Variants in VPS13B observed in about 807,000 individuals in gnomAD.
VPS13B encodes the protein intermembrane lipid transfer protein VPS13B.
In VPS13B, 285 loss-of-function variants were observed where a neutral mutation model predicts 426.4. The observed-to-expected ratio is 0.67, with a 90% CI of 0.61 to 0.74. The LOEUF (loss-of-function observed/expected upper bound fraction) is 0.74. Among genes scored for constraint, VPS13B ranks in the 30% least tolerant of loss-of-function variants. The pLI, the probability that VPS13B is intolerant of heterozygous loss-of-function variation, is 0.00. For missense variants in VPS13B, 4,537 were observed against 4,782.6 expected (o/e 0.95, Z 1.51); for synonymous variants, 1,676 against 1,676.4 (o/e 1.00, Z 0.01).
At chr8:99,564,500 G>A (rs539293812) in intron 31 of VPS13B, among the ~76,000 whole-genome samples, 6 of 152,266 alleles carry the variant, frequency 3.9e-5, no homozygotes, top group East Asian at 3.9e-4. Context: ...GGGTAAGGCC[G>A]GGAGGCTGGA....
intron 43 of VPS13B, among the ~76,000 whole-genome samples, chr8:99,803,471 A>G (rs1813235760): frequency 1.3e-5 from 2 of 152,286 alleles, no homozygotes; most frequent in African/African-American, 2.4e-5. Flanking sequence ...TCTTTTTCCT[A>G]CCAAAACAAA....
chr8:99,283,319 A>T (rs1819264717), intron 19 of VPS13B, among the ~76,000 whole-genome samples: 1 of 152,156 alleles, frequency 6.6e-6, no homozygotes, highest in South Asian at 2.1e-4. Flanking sequence ...ATCTTATTAC[A>T]TTTCCTCTTT....
Position 99,577,925 on chromosome 8 carries a change from C to G in VPS13B, c.5220+292C>G, listed in dbSNP as rs141208784. On this transcript the variant is annotated intron_variant, in intron 33 of 61. Transcript: ENST00000357162. ...CCTGCTGAAGTTCTAAAGTATGATG[C>G]GAGAATCCTGGTATAGCTTTCATTT... The G allele has an allele frequency of 1.1e-3, 456 of 399,006 alleles. 6 individuals are homozygous for G. The East Asian group carries it at 0.019, about 17-fold the overall frequency. 24.7% of individuals were successfully genotyped at this position (399,006 alleles called of 1,614,324 possible).
At chr8:99,057,865 G>T (rs1391680800) in intron 3 of VPS13B, among the ~76,000 whole-genome samples, 1 of 152,042 alleles carries the variant, frequency 6.6e-6, no homozygotes, top group African/African-American at 2.4e-5. Flanking sequence ...CCTATCTCTT[G>T]AGTGTATCTA....
At chr8:99,617,802 T>C (rs1260632653) in intron 33 of VPS13B, among the ~76,000 whole-genome samples, 1 of 152,224 alleles carries the variant, frequency 6.6e-6, no homozygotes, top group Non-Finnish European at 1.5e-5. Context: ...TAGGCTTTGT[T>C]GTTTTAAGAT....
At chr8:99,553,729 C>A (rs181832156) in intron 30 of VPS13B, among the ~76,000 whole-genome samples, 12 of 152,070 alleles carry the variant, frequency 7.9e-5, no homozygotes, top group African/African-American at 2.9e-4. Flanking sequence ...GAAGGTTTTG[C>A]AATTAACTTT....
At chr8:99,031,984 A>G (rs1161692606) in intron 2 of VPS13B, among the ~76,000 whole-genome samples, 1 of 152,188 alleles carries the variant, frequency 6.6e-6, no homozygotes, top group Non-Finnish European at 1.5e-5. Context: ...AGCCTTATGG[A>G]CCTCAGGTAG....
chr8:99,095,372 C>G (rs147146172), intron 3 of VPS13B, among the ~76,000 whole-genome samples: 3 of 152,124 alleles, frequency 2.0e-5, no homozygotes, highest in African/African-American at 7.2e-5. Context: ...TACGTTGATA[C>G]TGTTTTGCTT....
chr8:99,690,191 G>A (rs926402609), intron 35 of VPS13B, among the ~76,000 whole-genome samples: 2 of 152,006 alleles, frequency 1.3e-5, no homozygotes, highest in African/African-American at 4.8e-5. Context: ...AATTCTACAA[G>A]TCAAAAATAA....
intron 19 of VPS13B, among the ~76,000 whole-genome samples, chr8:99,372,426 T>C (rs977433879): frequency 1.8e-4 from 28 of 152,172 alleles, no homozygotes; most frequent in Non-Finnish European, 3.7e-4. Context: ...GACAAAGGTC[T>C]AATATTCAGA....
rs748061099 is a variant in VPS13B, at chr8:99,877,353, G to C, written c.*1687G>C. 6.6e-6 allele frequency: 1 copy of C among 152,528 alleles called. No individual in the cohort carries two copies. Among genetic ancestry groups the C allele is most frequent in the African/African-American group, 2.4e-5 (1 of 41,416 alleles). 9.4% of individuals were successfully genotyped at this position (152,528 alleles called of 1,614,324 possible). ...AAAATGTAAATATGTATTAATCCTT[G>C]TATCTTTTATGGTAATTTTGCATAT... is the stretch of plus-strand genomic sequence containing the variant. On this transcript the variant is annotated 3_prime_UTR_variant, in exon 62 of 62. Coordinates refer to ENST00000357162, the MANE Select transcript of VPS13B (RefSeq NM_152564.5).
intron 31 of VPS13B, among the ~76,000 whole-genome samples, chr8:99,559,162 G>A (rs2133771056): frequency 6.6e-6 from 1 of 152,338 alleles, no homozygotes; most frequent in East Asian, 1.9e-4. Flanking sequence ...GATGGCCAGT[G>A]ATGAGCATTT....
At chr8:99,356,969 A>C (rs1362320930) in intron 19 of VPS13B, among the ~76,000 whole-genome samples, 1 of 152,110 alleles carries the variant, frequency 6.6e-6, no homozygotes, top group Non-Finnish European at 1.5e-5. Flanking sequence ...AATATTTATT[A>C]TAGAAAATGT....
chr8:99,620,701 G>A (rs752006750), intron 33 of VPS13B, among the ~76,000 whole-genome samples: 1 of 151,632 alleles, frequency 6.6e-6, no homozygotes, highest in Non-Finnish European at 1.5e-5. Flanking sequence ...GCTGGGTACA[G>A]TGGCTTACAC....
At chr8:99,820,157 T>A in intron 49 of VPS13B, 35 bp downstream of exon 49, 1 of 1,581,430 alleles carries the variant, frequency 6.3e-7, no homozygotes, top group Non-Finnish European at 8.7e-7. Context: ...CGAATTCTTA[T>A]CTCTCAACAA....
chr8:99,654,018 G>GGAT (rs200076337), intron 34 of VPS13B, among the ~76,000 whole-genome samples: 4,115 of 150,562 alleles, frequency 0.027, 80 homozygotes, highest in Non-Finnish European at 0.039. Flanking sequence ...TCCTGACATT[G>GGAT]GATGATGATG....
At chr8:99,607,605 A>G (rs758520476) in intron 33 of VPS13B, among the ~76,000 whole-genome samples, 2 of 152,188 alleles carry the variant, frequency 1.3e-5, no homozygotes, top group African/African-American at 4.8e-5. Flanking sequence ...TACAATTTGT[A>G]TTATCGATTT....
intron 8 of VPS13B, among the ~76,000 whole-genome samples, chr8:99,134,136 A>C (rs1809946968): frequency 6.6e-6 from 1 of 152,230 alleles, no homozygotes; most frequent in Non-Finnish European, 1.5e-5. Flanking sequence ...ACATCTTTTG[A>C]AAAGAAATAT....
At chr8:99,867,976 T>G (rs1817190363) in intron 58 of VPS13B, 1 of 369,364 alleles carries the variant, frequency 2.7e-6, no homozygotes, top group Non-Finnish European at 5.2e-6. Context: ...TCAACTTTGT[T>G]GCCTGACTTC....
Sources: allele counts gnomAD v4.1 joint callset (sites outside exome capture counted in the v4.1 genomes callset), GRCh38; gene constraint gnomAD v4.1.1; transcripts MANE v1.5; gene names NCBI Gene and HGNC (gene_info 2026-07-23, HGNC 2026-07-21).